The following PXK variants were observed in gnomAD, a reference collection of about 807,000 sequenced individuals.
The protein encoded by PXK is PX domain-containing protein kinase-like protein.
In PXK, 35 loss-of-function variants were observed where a neutral mutation model predicts 84.7. That is an observed-to-expected ratio of 0.41 (90% confidence interval 0.32 to 0.55). The LOEUF is 0.55. Ranked by LOEUF, PXK falls within the 20% of genes least tolerant of loss-of-function variation. The probability of loss-of-function intolerance (pLI) is 0.21; values close to 1 mark genes in which losing one functional copy is unlikely to be tolerated. For synonymous variants in PXK, 253 were observed against 260.8 expected, an observed-to-expected ratio of 0.97 and a Z score of 0.29; for missense variants, 634 against 699.7, an observed-to-expected ratio of 0.91 and a Z score of 1.06.
chr3:58,384,739 A>G (rs1461050551), intron 4 of PXK, among the ~76,000 whole-genome samples: 1 of 152,192 alleles, frequency 6.6e-6, no homozygotes, highest in Non-Finnish European at 1.5e-5. Flanking sequence ...GGCAAGCATC[A>G]AGGTGTAGTG....
At chr3:58,406,000 G>A (rs1332053836) in intron 13 of PXK, among the ~76,000 whole-genome samples, 1 of 151,324 alleles carries the variant, frequency 6.6e-6, no homozygotes, top group African/African-American at 2.4e-5. Context: ...ACGGAGTCTC[G>A]CTCTTGTCAC....
chr3:58,419,971 G>A (rs1270956470), intron 17 of PXK, among the ~76,000 whole-genome samples: 3 of 152,234 alleles, frequency 2.0e-5, no homozygotes, highest in Non-Finnish European at 4.4e-5. Context: ...TCAGGGAGGG[G>A]CCCAGTGCTT....
rs1238277554 is a variant in PXK at position 58,399,428 on chromosome 3, C to T, written c.1181+51C>T. On this transcript the variant is annotated intron_variant, in intron 12 of 17. Transcript: ENST00000356151. The surrounding 1 kb of genome is among the most constrained non-coding windows in gnomAD (Gnocchi z 4.3). Reference sequence around the variant, plus strand: ...TAATCTTGATAACTATGTTGAACACCAGACCACTGTGTCCAAGCACCTGGT... The same window carrying T: ...TAATCTTGATAACTATGTTGAACACTAGACCACTGTGTCCAAGCACCTGGT... The T allele has an allele frequency of 6.5e-7, 1 of 1,533,052 alleles. No homozygotes were observed. Among genetic ancestry groups the T allele is most frequent in the Non-Finnish European group, 9.0e-7 (1 of 1,109,486 alleles). The allele number at this position is 1,533,052 out of a possible 1,614,324, so 95.0% of individuals were successfully genotyped here.
intron 1 of PXK, among the ~76,000 whole-genome samples, chr3:58,354,455 T>G (rs1309140555): frequency 6.6e-6 from 1 of 151,470 alleles, no homozygotes; most frequent in Non-Finnish European, 1.5e-5. Context: ...CTAGTTTTTT[T>G]TTTTTTTTTG....
Position 58,395,699 on chromosome 3 carries a change from TAAG to T in PXK, c.767_769del (p.Lys256del). The stretch of plus-strand genomic sequence containing the variant: ...CATTTCTAAAGAAGTACTGCAACCC[TAAG>T]AAGATTCAGGGCCTGGAACTCCAGC... On this transcript the variant is annotated inframe_deletion, in exon 9 of 18. Coordinates refer to ENST00000356151, the MANE Select transcript of PXK (RefSeq NM_017771.5). 6.2e-7 allele frequency: 1 copy of T among 1,613,878 alleles called. No individual in the cohort carries two copies. The highest frequency in any genetic ancestry group is 8.5e-7 in the Non-Finnish European group (1 of 1,179,842).
intron 1 of PXK, among the ~76,000 whole-genome samples, chr3:58,342,485 A>G (rs934847845): frequency 1.3e-5 from 2 of 152,036 alleles, no homozygotes; most frequent in African/African-American, 4.8e-5. Context: ...AAATACAAAG[A>G]TTAGCCAGGT....
At chr3:58,384,336 C>T (rs1315234108) in intron 4 of PXK, among the ~76,000 whole-genome samples, 2 of 152,180 alleles carry the variant, frequency 1.3e-5, no homozygotes, top group South Asian at 2.1e-4. Flanking sequence ...ATGTACCTGC[C>T]ATTTCCTAAC....
In PXK at chr3:58,333,189, A is replaced by C. The variant is rs1238222583; in HGVS notation, c.102+99A>C. On this transcript the variant is annotated intron_variant, in intron 1 of 17. Transcript: ENST00000356151. The surrounding 1 kb of genome is among the most constrained non-coding windows in gnomAD (Gnocchi z 5.4). ...CGGGCCGGGCAGGGTCGTCGGACGG[A>C]GACCGGGCCACAGGGTGGGCGGCCC... 1.4e-6 allele frequency: 1 copy of C among 698,586 alleles called. No homozygotes were observed. 43.3% of individuals were successfully genotyped at this position (698,586 alleles called of 1,614,324 possible). A position where few individuals can be genotyped will look rare whatever the true frequency, so the allele number is the denominator to read the frequency against.
At chr3:58,377,374 T>C (rs945667906) in intron 3 of PXK, among the ~76,000 whole-genome samples, 1 of 152,168 alleles carries the variant, frequency 6.6e-6, no homozygotes, top group Non-Finnish European at 1.5e-5. Flanking sequence ...TCTTTAGACC[T>C]TACCCTCGAT....
At position 58,399,241 on chromosome 3, in the gene PXK, G is replaced by A; in HGVS notation, c.1103-58G>A. 1.4e-6 allele frequency: 2 copies of A among 1,479,714 alleles called. No homozygotes were observed. The highest frequency in any genetic ancestry group is 1.7e-5 in the Admixed American group (1 of 59,412). The allele number at this position is 1,479,714 out of a possible 1,614,324, so 91.7% of individuals were successfully genotyped here. A position where few individuals can be genotyped will look rare whatever the true frequency, so the allele number is the denominator to read the frequency against. On this transcript the variant is annotated intron_variant, in intron 11 of 17. Coordinates refer to ENST00000356151, the MANE Select transcript of PXK (RefSeq NM_017771.5). The surrounding 1 kb of genome is among the most constrained non-coding windows in gnomAD (Gnocchi z 4.3). ...CAAAGTGGTGTTAAACTTTTCATCAGCAAGTGGATTTGCCAGCGTGTTCTG... is the reference window on the plus strand; with the variant it reads ...CAAAGTGGTGTTAAACTTTTCATCAACAAGTGGATTTGCCAGCGTGTTCTG...
intron 3 of PXK, among the ~76,000 whole-genome samples, chr3:58,373,672 A>G (rs2108591358): frequency 6.6e-6 from 1 of 152,238 alleles, no homozygotes; most frequent in East Asian, 1.9e-4. Flanking sequence ...TGAGGTTGAA[A>G]GTTTTTCATT....
At chr3:58,378,504 T>TG in intron 3 of PXK, among the ~76,000 whole-genome samples, 1 of 72,752 alleles carries the variant, frequency 1.4e-5, no homozygotes, top group African/African-American at 5.0e-5. Context: ...TTTTTTTTTT[T>TG]TTTTTTTTTG....
intron 17 of PXK, among the ~76,000 whole-genome samples, chr3:58,420,044 TAA>T (rs1362867357): frequency 1.3e-5 from 2 of 152,214 alleles, no homozygotes; most frequent in Non-Finnish European, 1.5e-5. Context: ...CTCCCAACTT[TAA>T]AGAGACAAAT....
chr3:58,366,786 A>T (rs941157436), intron 2 of PXK, among the ~76,000 whole-genome samples: 1 of 152,218 alleles, frequency 6.6e-6, no homozygotes, highest in African/African-American at 2.4e-5. Flanking sequence ...TTAACCTTTT[A>T]AAAATGTCCT....
intron 9 of PXK, 79 bp downstream of exon 9, chr3:58,395,838 T>TTTTGG: frequency 7.9e-6 from 9 of 1,140,366 alleles, no homozygotes; most frequent in African/African-American, 1.6e-5. Context: ...TCTTAAGTAA[T>TTTTGG]ATCCAAAATT....
rs1453337251 is a variant in PXK at position 58,403,857 on chromosome 3, T to C, written c.1182-5T>C. 5.2e-6 allele frequency: 8 copies of C among 1,538,328 alleles called. No homozygotes were observed. In the African/African-American group the frequency reaches 1.1e-4, roughly 21 times the overall value. The stretch of plus-strand genomic sequence containing the variant: ...AAGATTTTTGTTTGTTTCTTTTCTT[T>C]ACAGATTATTCAGCGATGTTTTACT... On this transcript the variant is annotated splice_polypyrimidine_tract_variant and splice_region_variant and intron_variant, in intron 12 of 17. Coordinates refer to ENST00000356151, the MANE Select transcript of PXK (RefSeq NM_017771.5).
chr3:58,409,394 C>T lies in PXK; in HGVS notation c.1309-138C>T. ...CCTCTACCTGGCATCCAGACCCGAG[C>T]CAGGAAGTAGACAGCCTGAGCAAGG... On this transcript the variant is annotated intron_variant, in intron 14 of 17. Coordinates refer to ENST00000356151, the MANE Select transcript of PXK (RefSeq NM_017771.5). This position sits in a 1 kb window ranked among gnomAD's most constrained non-coding sequence, Gnocchi z 4.2. The T allele has an allele frequency of 1.2e-6, 1 of 812,862 alleles. No individual in the cohort carries two copies. The highest frequency in any genetic ancestry group is 1.6e-5 in the South Asian group (1 of 62,432). The allele number at this position is 812,862 out of a possible 1,614,324, so 50.4% of individuals were successfully genotyped here.
At chr3:58,374,852 C>T (rs1256142435) in intron 3 of PXK, among the ~76,000 whole-genome samples, 3 of 152,158 alleles carry the variant, frequency 2.0e-5, no homozygotes, top group Non-Finnish European at 4.4e-5. Context: ...TAAAATAACA[C>T]ATATGTTGCA....
intron 3 of PXK, among the ~76,000 whole-genome samples, chr3:58,373,209 C>T (rs2108580570): frequency 6.6e-6 from 1 of 151,644 alleles, no homozygotes; most frequent in South Asian, 2.1e-4. Flanking sequence ...TCCTGAGTAG[C>T]TAAGACTACA....
Sources: allele counts gnomAD v4.1 joint callset (sites outside exome capture counted in the v4.1 genomes callset), GRCh38; gene constraint gnomAD v4.1.1; non-coding constraint Gnocchi (gnomAD v3.1); transcripts MANE v1.5; gene names NCBI Gene and HGNC (gene_info 2026-07-23, HGNC 2026-07-21).